The following PRSS56 variants were observed in gnomAD, a reference collection of about 807,000 sequenced individuals.
PRSS56 encodes the protein serine protease 56.
A neutral mutation model predicts 66.8 loss-of-function variants in PRSS56; 55 were observed. The ratio of observed to expected loss-of-function variants is 0.82; its 90% CI spans 0.66 to 1.03. The LOEUF (loss-of-function observed/expected upper bound fraction) is 1.03. Among genes scored for constraint, PRSS56 ranks in the 50% least tolerant of loss-of-function variants. The pLI is 0.00. For missense variants in PRSS56, 869 were observed against 837.2 expected (o/e 1.04, Z -0.47); for synonymous variants, 409 against 387.9 (o/e 1.05, Z -0.64).
intron 12 of PRSS56, 127 bp from the exon 13 acceptor site, chr2:232,525,089 G>C: frequency 2.0e-6 from 2 of 998,008 alleles, no homozygotes; most frequent in Non-Finnish European, 2.8e-6. Context: ...CCACATGAGC[G>C]GGAAATGAGC....
intron 12 of PRSS56, 130 bp downstream of exon 12, chr2:232,524,974 G>GGGTA: frequency 1.2e-6 from 1 of 858,782 alleles, no homozygotes; most frequent in Non-Finnish European, 1.8e-6. Flanking sequence ...CCAGCTCTGG[G>GGGTA]GGTAGGTAGA....
intron 1 of PRSS56, 58 bp downstream of exon 1, chr2:232,520,753 C>T: frequency 4.1e-6 from 5 of 1,214,928 alleles, no homozygotes; most frequent in Middle Eastern, 2.1e-4. Context: ...GGAAGTGGGA[C>T]CCTGGGCGGG....
chr2:232,523,692 C>G (rs1203977919), intron 8 of PRSS56, 80 bp from the exon 9 acceptor site: 1 of 1,524,066 alleles, frequency 6.6e-7, no homozygotes, highest in Non-Finnish European at 8.8e-7. Flanking sequence ...CTCGGGAAAG[C>G]CTGTCTCCTT....
In PRSS56 at chr2:232,522,093, C is replaced by G. The variant is rs954083406; in HGVS notation, c.379C>G (p.Gln127Glu). The G allele has an allele frequency of 4.4e-5, 66 of 1,516,968 alleles. No homozygotes were observed. Among genetic ancestry groups the G allele is most frequent in the Non-Finnish European group, 5.7e-5 (65 of 1,139,224 alleles). 94.0% of individuals were successfully genotyped at this position (1,516,968 alleles called of 1,614,324 possible). ...PWLVRLQLGGQPLCGGVLVAA... is the reference protein window; with the variant it reads ...PWLVRLQLGGEPLCGGVLVAA... ...GCTGGTGAGGCTGCAGCTCGGCGGG[C>G]AGCCTCTGTGCGGCGGCGTCCTGGT... The change falls in exon 4 of 13, where the codon CAG becomes GAG. Residue 127 changes from glutamine to glutamate, a missense_variant. Physicochemically the swap from Gln to Glu is conservative, Grantham distance 29. Around this residue, in one of 3 missense-constraint regions of PRSS56, gnomAD observed 315 missense variants for 313.7 expected, o/e 1.00. Transcript: ENST00000617714.
intron 2 of PRSS56, 64 bp from the exon 3 acceptor site, chr2:232,521,752 C>A: frequency 6.8e-7 from 1 of 1,481,232 alleles, no homozygotes; most frequent in Non-Finnish European, 9.1e-7. Flanking sequence ...AGAGGCTCGG[C>A]CCAGCCTGGG....
In PRSS56 at chr2:232,524,809, G is replaced by T. The variant is rs993348129; in HGVS notation, c.1486G>T (p.Val496Phe). ...LQGAHAWILQ[V>F]PSEHLAMNFH... is the part of the protein sequence containing the mutation. ...GGGGGCCCATGCCTGGATCCTGCAG[G>T]TCCCCTCGGAGCACCTGGCCATGAA... The change falls in exon 12 of 13, where the codon GTC (valine) becomes TTC (phenylalanine). Residue 496 changes from valine to phenylalanine, a missense_variant. Physicochemically the swap from Val to Phe is conservative, Grantham distance 50. This residue lies in a region of PRSS56 where 551 missense variants were observed against 506.9 expected (regional missense o/e 1.09). Transcript: ENST00000617714. 2.0e-6 allele frequency: 3 copies of T among 1,535,568 alleles called. No individual in the cohort carries two copies. The highest frequency in any genetic ancestry group is 2.6e-6 in the Non-Finnish European group (3 of 1,146,622).
chr2:232,521,514 C>A, intron 2 of PRSS56, 86 bp downstream of exon 2: 2 of 1,150,740 alleles, frequency 1.7e-6, no homozygotes, highest in Non-Finnish European at 2.5e-6. Flanking sequence ...CTTCAGTCTT[C>A]ACTCTCCTCT....
Position 232,524,724 on chromosome 2 carries a change from T to C in PRSS56, c.1415-14T>C. 6.6e-7 allele frequency: 1 copy of C among 1,506,184 alleles called. No homozygotes were observed. Among genetic ancestry groups the C allele is most frequent in the Admixed American group, 2.0e-5 (1 of 49,220 alleles). 93.3% of individuals were successfully genotyped at this position (1,506,184 alleles called of 1,614,324 possible). On this transcript the variant is annotated splice_polypyrimidine_tract_variant and intron_variant, in intron 11 of 12. Transcript: ENST00000617714. ...AACCGTTCATTATTCCCGGGGCCTC[T>C]CCTCTTCCTCCAGGCTGCCCTGGGC...
In PRSS56 at chr2:232,521,346, G is replaced by T; in HGVS notation, c.123G>T (p.Ala41=). 1 of 1,536,148 alleles carries T rather than the reference G, an allele frequency of 6.5e-7. No individual in the cohort carries two copies. The highest frequency in any genetic ancestry group is 1.2e-5 in the South Asian group (1 of 84,068). The change falls in exon 2 of 13, where the codon GCG becomes GCT. Residue 41 remains alanine, a synonymous_variant. Coordinates refer to ENST00000617714, the MANE Select transcript of PRSS56 (RefSeq NM_001195129.2). ...TTCTGTCGGCCCAGGGGACTCAGGCGTTGCAGGCAGCCCAGAGGAGCGCCC... is the reference window on the plus strand; with the variant it reads ...TTCTGTCGGCCCAGGGGACTCAGGCTTTGCAGGCAGCCCAGAGGAGCGCCC... ...LQVLSAQGTQ[A]LQAAQRSAQW... is the part of the protein sequence containing the mutation.
Position 232,522,830 on chromosome 2 carries a change from C to G in PRSS56, c.675C>G (p.Cys225Trp). Residue 225 changes from cysteine (C) to tryptophan (W), a missense_variant, in exon 6 of 13, where the codon TGC (cysteine) becomes TGG (tryptophan). By Grantham distance (215) the Cys-to-Trp change is radical. Transcript: ENST00000617714. The part of the protein sequence containing the change: ...EPQEPPAGTA[C>W]AIAGWGALFE... ...AGGAGCCCCCTGCCGGAACCGCCTG[C>G]GCCATCGCGGGCTGGGGCGCCCTCT... The G allele has an allele frequency of 6.8e-7, 1 of 1,478,440 alleles. No homozygotes were observed. Among genetic ancestry groups the G allele is most frequent in the South Asian group, 1.3e-5 (1 of 75,524 alleles). 91.6% of individuals were successfully genotyped at this position (1,478,440 alleles called of 1,614,324 possible). A position where few individuals can be genotyped will look rare whatever the true frequency, so the allele number is the denominator to read the frequency against.
Position 232,520,532 on chromosome 2 carries a change from G to GGCACC in PRSS56, c.-66_-62dup. On this transcript the variant is annotated 5_prime_UTR_variant, in exon 1 of 13. Transcript: ENST00000617714. ...AGCAGAAGGCGGGCACCAAAGGATA[G>GGCACC]GCACCCGGAAGGTGGACTCCGAGGA... 7.5e-7 allele frequency: 1 copy of GGCACC among 1,334,712 alleles called. No individual in the cohort carries two copies. Among genetic ancestry groups the GGCACC allele is most frequent in the Middle Eastern group, 1.8e-4 (1 of 5,616 alleles). The allele number at this position is 1,334,712 out of a possible 1,614,324, so 82.7% of individuals were successfully genotyped here. A position where few individuals can be genotyped will look rare whatever the true frequency, so the allele number is the denominator to read the frequency against.
rs1246371904 is a variant in PRSS56, at chr2:232,520,416, G to A, written c.-183G>A. 8 of 644,490 alleles carry A rather than the reference G, an allele frequency of 1.2e-5. No individual in the cohort carries two copies. In the Admixed American group the frequency reaches 1.3e-4, roughly 10 times the overall value. 39.9% of individuals were successfully genotyped at this position (644,490 alleles called of 1,614,324 possible). On this transcript the variant is annotated 5_prime_UTR_variant, in exon 1 of 13. Transcript: ENST00000617714. ...CTCCTAGGAGTTAAGGGCCAGGTGA[G>A]GGCTGACCAGGGAGGCGGGTAATTT...
In PRSS56 at chr2:232,523,108, G is replaced by C; in HGVS notation, c.755G>C (p.Ser252Thr). The change falls in exon 7 of 13, where the codon AGC becomes ACC. Residue 252 changes from serine to threonine, a missense_variant. Physicochemically the swap from Ser to Thr is moderately conservative, Grantham distance 58 (BLOSUM62 1). Around this residue, in one of 3 missense-constraint regions of PRSS56, gnomAD observed 551 missense variants for 506.9 expected, o/e 1.09. Coordinates refer to ENST00000617714, the MANE Select transcript of PRSS56 (RefSeq NM_001195129.2). ...AGAGAGGCCCGTGTTCCCCTGCTCA[G>C]CACCGACACCTGCCGAAGAGCCCTG... is the stretch of plus-strand genomic sequence containing the variant. ...AVREARVPLL[S>T]TDTCRRALGP... 6.5e-7 allele frequency: 1 copy of C among 1,534,992 alleles called. No individual in the cohort carries two copies. Among genetic ancestry groups the C allele is most frequent in the Non-Finnish European group, 8.7e-7 (1 of 1,146,312 alleles).
intron 2 of PRSS56, 88 bp from the exon 3 acceptor site, chr2:232,521,728 A>G: frequency 7.6e-7 from 1 of 1,315,176 alleles, no homozygotes; most frequent in Non-Finnish European, 1.0e-6. Context: ...GCGCGAAAGG[A>G]GAGATGGGGA....
Position 232,521,368 on chromosome 2 carries a change from G to A in PRSS56, c.145G>A (p.Ala49Thr), listed in dbSNP as rs758558652. Residue 49 changes from alanine (A) to threonine (T), a missense_variant, in exon 2 of 13, where the codon GCC becomes ACC. Around this residue, in one of 3 missense-constraint regions of PRSS56, gnomAD observed 315 missense variants for 313.7 expected, o/e 1.00. Transcript: ENST00000617714. Reference protein sequence around the residue: ...TQALQAAQRSAQWAINRVAME... With the variant: ...TQALQAAQRSTQWAINRVAME... Reference sequence around the variant, plus strand: ...GGCGTTGCAGGCAGCCCAGAGGAGCGCCCAGTGGGCAATAAACCGAGTGGC... The same window carrying A: ...GGCGTTGCAGGCAGCCCAGAGGAGCACCCAGTGGGCAATAAACCGAGTGGC... 21 of 1,535,958 alleles carry A rather than the reference G, an allele frequency of 1.4e-5. No individual in the cohort carries two copies. The highest frequency in any genetic ancestry group is 9.8e-5 in the Admixed American group (5 of 50,966).
rs1691282148 is a variant in PRSS56 at position 232,521,771 on chromosome 2, AGGCGAGAG to A, written c.206-41_206-34del. 18 of 1,527,940 alleles carry A rather than the reference AGGCGAGAG, an allele frequency of 1.2e-5. No individual in the cohort carries two copies. The East Asian group carries it at 4.4e-4, about 37-fold the overall frequency. The allele number at this position is 1,527,940 out of a possible 1,614,324, so 94.6% of individuals were successfully genotyped here. The stretch of plus-strand genomic sequence containing the variant: ...GCTCGGCCCAGCCTGGGGTGAGGAC[AGGCGAGAG>A]GGCAGCAGTGAGACTCAAAGGTCTG... On this transcript the variant is annotated intron_variant, in intron 2 of 12. Coordinates refer to ENST00000617714, the MANE Select transcript of PRSS56 (RefSeq NM_001195129.2).
At position 232,521,863 on chromosome 2, in the gene PRSS56, C is replaced by T; in HGVS notation, c.253C>T (p.Pro85Ser). The T allele has an allele frequency of 6.5e-7, 1 of 1,535,804 alleles. No homozygotes were observed. Among genetic ancestry groups the T allele is most frequent in the Non-Finnish European group, 8.7e-7 (1 of 1,146,678 alleles). The change falls in exon 3 of 13, where the codon CCA becomes TCA. Residue 85 changes from proline (P) to serine (S), a missense_variant. Around this residue, in one of 3 missense-constraint regions of PRSS56, gnomAD observed 315 missense variants for 313.7 expected, o/e 1.00. Coordinates refer to ENST00000617714, the MANE Select transcript of PRSS56 (RefSeq NM_001195129.2). ...AGCTCTCCTCCAGGACCCACCTGAG[C>T]CAGGTGAGGTTGAAAAGGCTCGAGG... ...PQALLQDPPE[P>S]GPCGERRPST...
chr2:232,520,658 C>A lies in PRSS56; in HGVS notation c.60C>A (p.His20Gln). 2 of 1,535,986 alleles carry A rather than the reference C, an allele frequency of 1.3e-6. No individual in the cohort carries two copies. Among genetic ancestry groups the A allele is most frequent in the Non-Finnish European group, 1.7e-6 (2 of 1,146,764 alleles). Residue 20 changes from histidine (H) to glutamine (Q), a missense_variant, in exon 1 of 13, where the codon CAC (histidine) becomes CAA (glutamine). Around this residue, in one of 3 missense-constraint regions of PRSS56, gnomAD observed 315 missense variants for 313.7 expected, o/e 1.00. Transcript: ENST00000617714. The part of the protein sequence containing the change: ...PLPSSWFAHG[H>Q]PLYTRLPPSA... ...CAAGCTCATGGTTTGCCCACGGGCA[C>A]CCACTGTACACACGCCTGCCCCCCA...
chr2:232,520,648 C>T lies in PRSS56; in HGVS notation c.50C>T (p.Ala17Val). The T allele has an allele frequency of 6.5e-7, 1 of 1,536,056 alleles. No individual in the cohort carries two copies. The highest frequency in any genetic ancestry group is 8.7e-7 in the Non-Finnish European group (1 of 1,146,842). Residue 17 changes from alanine (A) to valine (V), a missense_variant, in exon 1 of 13, where the codon GCC becomes GTC. Ala to Val is a moderately conservative substitution (Grantham distance 64). Transcript: ENST00000617714. The part of the protein sequence containing the change: ...LLLPLPSSWF[A>V]HGHPLYTRLP... Reference sequence around the variant, plus strand: ...CTACCCCTCCCAAGCTCATGGTTTGCCCACGGGCACCCACTGTACACACGC... The same window carrying T: ...CTACCCCTCCCAAGCTCATGGTTTGTCCACGGGCACCCACTGTACACACGC...
Sources: allele counts gnomAD v4.1 joint callset, GRCh38; gene constraint gnomAD v4.1.1; regional missense constraint gnomAD v4.1.1; transcripts MANE v1.5; gene names NCBI Gene and HGNC (gene_info 2026-07-23, HGNC 2026-07-21).